Variants in GREB1 observed in about 807,000 individuals in gnomAD.
The protein encoded by GREB1 is protein GREB1.
A neutral mutation model predicts 200.7 loss-of-function variants in GREB1; 106 were observed. The ratio of observed to expected loss-of-function variants is 0.53; its 90% CI spans 0.45 to 0.62. The LOEUF (loss-of-function observed/expected upper bound fraction) is 0.62, where lower values mean the gene tolerates loss of function less well. GREB1 is among the 20% of genes least tolerant of loss of function. The pLI is 0.00. For missense variants in GREB1, 2,243 were observed against 2,556.8 expected (o/e 0.88, Z 2.65); for synonymous variants, 1,132 against 1,092.4 (o/e 1.04, Z -0.72).
chr2:11,494,510 C>T (rs1326717388), intron 1 of GREB1, among the ~76,000 whole-genome samples: 1 of 152,230 alleles, frequency 6.6e-6, no homozygotes, highest in African/African-American at 2.4e-5. Context: ...TCGTAAGAGA[C>T]TGATGGAGGG....
chr2:11,580,804 G>A lies in GREB1; in HGVS notation c.873G>A (p.Leu291=), dbSNP rs1679393574. ...PKCQQLAKNN[L]LALPRPSALG... The stretch of plus-strand genomic sequence containing the variant: ...GCCAACAACTGGCAAAGAATAACCT[G>A]TTGGCCCTGCCGCGACCATCGGCTT... Residue 291 remains leucine, a synonymous_variant, in exon 7 of 33, where the codon CTG becomes CTA. Transcript: ENST00000381486. The surrounding 1 kb of genome is among the most constrained non-coding windows in gnomAD (Gnocchi z 4.5). The A allele has an allele frequency of 6.2e-7, 1 of 1,614,232 alleles. No homozygotes were observed. The highest frequency in any genetic ancestry group is 8.5e-7 in the Non-Finnish European group (1 of 1,180,044).
chr2:11,613,405 C>T (rs1683112023), intron 19 of GREB1, among the ~76,000 whole-genome samples: 1 of 152,194 alleles, frequency 6.6e-6, no homozygotes, highest in African/African-American at 2.4e-5. Context: ...CTAGATTCTT[C>T]TTTTAGGTTT....
intron 1 of GREB1, among the ~76,000 whole-genome samples, chr2:11,545,344 C>G (rs1675167646): frequency 6.6e-6 from 1 of 152,072 alleles, no homozygotes; most frequent in African/African-American, 2.4e-5. Context: ...GTTGGCCAGG[C>G]TGGTCTCGAA....
chr2:11,522,098 T>G (rs1047822524), intron 1 of GREB1, among the ~76,000 whole-genome samples: 1 of 152,224 alleles, frequency 6.6e-6, no homozygotes, highest in African/African-American at 2.4e-5. Flanking sequence ...TCTATCTGTC[T>G]GGCTTTGTCA....
intron 10 of GREB1, among the ~76,000 whole-genome samples, chr2:11,589,986 A>G (rs1281486061): frequency 2.6e-5 from 4 of 152,160 alleles, no homozygotes; most frequent in Admixed American, 6.5e-5. Flanking sequence ...GTATACATTT[A>G]AGACACACTG....
chr2:11,567,959 C>T (rs1677854199), intron 4 of GREB1, among the ~76,000 whole-genome samples: 1 of 152,194 alleles, frequency 6.6e-6, no homozygotes, highest in South Asian at 2.1e-4. Context: ...AGTCTGTTCT[C>T]ATCCCGTGAC....
At chr2:11,612,722 C>T (rs1218090136) in intron 19 of GREB1, 112 bp downstream of exon 19, 1 of 657,332 alleles carries the variant, frequency 1.5e-6, no homozygotes, top group Non-Finnish European at 2.7e-6. Flanking sequence ...GCACCACTCA[C>T]ATTCACAGGC....
At chr2:11,494,690 A>G (rs997287758) in intron 1 of GREB1, among the ~76,000 whole-genome samples, 9 of 152,174 alleles carry the variant, frequency 5.9e-5, no homozygotes, top group Admixed American at 5.9e-4. Context: ...CTGGAGTCCT[A>G]TAGACTCAGG....
Position 11,640,586 on chromosome 2 carries a change from C to G in GREB1, c.*132C>G. The G allele has an allele frequency of 9.8e-7, 1 of 1,019,830 alleles. No individual in the cohort carries two copies. The highest frequency in any genetic ancestry group is 1.5e-6 in the Non-Finnish European group (1 of 685,328). 63.2% of individuals were successfully genotyped at this position (1,019,830 alleles called of 1,614,324 possible). ...AGGGACTGTCCAGGTGCAGCCCCTC[C>G]TAGTACACATGGGCCCCCGAGGCCG... is the stretch of plus-strand genomic sequence containing the variant. On this transcript the variant is annotated 3_prime_UTR_variant, in exon 33 of 33. Coordinates refer to ENST00000381486, the MANE Select transcript of GREB1 (RefSeq NM_014668.4). The surrounding 1 kb of genome is among the most constrained non-coding windows in gnomAD (Gnocchi z 4.6).
intron 4 of GREB1, among the ~76,000 whole-genome samples, chr2:11,568,707 G>C (rs9287732): frequency 0.73 from 110,482 of 152,224 alleles, 40,800 homozygotes; most frequent in African/African-American, 0.87. Context: ...GGCTCTGCCT[G>C]TTGGCCCGCA....
chr2:11,565,207 T>G (rs1037088267), intron 3 of GREB1, among the ~76,000 whole-genome samples: 3 of 152,174 alleles, frequency 2.0e-5, no homozygotes, highest in African/African-American at 7.2e-5. Context: ...AGTTTCCCTA[T>G]CTTCAAAATG....
chr2:11,571,501 C>T (rs1028268078), intron 4 of GREB1, among the ~76,000 whole-genome samples: 6 of 152,268 alleles, frequency 3.9e-5, no homozygotes, highest in South Asian at 4.1e-4. Flanking sequence ...AAGATGTACG[C>T]GGTACCTGAC....
At chr2:11,615,373 T>A (rs561136959) in intron 20 of GREB1, 83 bp downstream of exon 20, 6 of 1,190,638 alleles carry the variant, frequency 5.0e-6, no homozygotes, top group Non-Finnish European at 7.2e-6. Context: ...CCTGTGCTTA[T>A]GGAGACAGCT....
In GREB1 at chr2:11,588,934, G is replaced by A. The variant is rs778931624; in HGVS notation, c.1345+3G>A. On this transcript the variant is annotated splice_donor_region_variant and intron_variant, in intron 10 of 32. Transcript: ENST00000381486. ...CGTCTACTACCTGGTCCAGCTGGGT[G>A]AGTCACCTCCACCTCCTGGCCCAGT... 1 of 1,612,880 alleles carries A rather than the reference G, an allele frequency of 6.2e-7. No homozygotes were observed. The highest frequency in any genetic ancestry group is 1.1e-5 in the South Asian group (1 of 91,058).
At chr2:11,604,237 G>T (rs1682047817) in intron 17 of GREB1, among the ~76,000 whole-genome samples, 1 of 152,214 alleles carries the variant, frequency 6.6e-6, no homozygotes, top group Non-Finnish European at 1.5e-5. Context: ...ACAGTTGCAT[G>T]CTGAGAGCTC....
chr2:11,612,687 G>C (rs1040969558), intron 19 of GREB1, 77 bp downstream of exon 19: 8 of 904,216 alleles, frequency 8.8e-6, no homozygotes, highest in Non-Finnish European at 1.5e-5. Flanking sequence ...ATGTCAGGGG[G>C]GCTGCTGTGC....
chr2:11,553,600 C>T (rs371601096), intron 1 of GREB1, among the ~76,000 whole-genome samples: 21 of 151,780 alleles, frequency 1.4e-4, no homozygotes, highest in Non-Finnish European at 1.8e-4. Context: ...GCGTTTCTGC[C>T]GGCTATGTAT....
chr2:11,584,168 G>C (rs902942928), intron 7 of GREB1, among the ~76,000 whole-genome samples: 5 of 152,150 alleles, frequency 3.3e-5, no homozygotes, highest in African/African-American at 1.2e-4. Context: ...AAAGTTTCCC[G>C]GTTGAGTTTA....
At chr2:11,512,324 A>G (rs1206843556) in intron 1 of GREB1, among the ~76,000 whole-genome samples, 1 of 152,232 alleles carries the variant, frequency 6.6e-6, no homozygotes, top group Admixed American at 6.5e-5. Flanking sequence ...AGAAATTATA[A>G]TTCTTATGAG....
Sources: allele counts gnomAD v4.1 joint callset (sites outside exome capture counted in the v4.1 genomes callset), GRCh38; gene constraint gnomAD v4.1.1; non-coding constraint Gnocchi (gnomAD v3.1); transcripts MANE v1.5; gene names NCBI Gene and HGNC (gene_info 2026-07-23, HGNC 2026-07-21).